Variants in SAFB observed in about 807,000 individuals in gnomAD.
The protein encoded by SAFB is scaffold attachment factor B1.
In SAFB, 15 loss-of-function variants were observed where a neutral mutation model predicts 101.6. The ratio of observed to expected loss-of-function variants is 0.15; its 90% CI spans 0.10 to 0.23. The LOEUF is 0.23. SAFB is among the 10% of genes least tolerant of loss of function. SAFB has a pLI of 1.00. For missense variants in SAFB, 930 were observed against 1,104.1 expected, an observed-to-expected ratio of 0.84 and a Z score of 2.23; for synonymous variants, 449 against 407.5, an observed-to-expected ratio of 1.10 and a Z score of -1.23.
chr19:5,653,143 C>T lies in SAFB; in HGVS notation c.1322C>T (p.Ala441Val). The change falls in exon 10 of 21, where the codon GCC becomes GTC. Residue 441 changes from alanine to valine, a missense_variant. Physicochemically the swap from Ala to Val is moderately conservative, Grantham distance 64. Coordinates refer to ENST00000588852, the MANE Select transcript of SAFB (RefSeq NM_001201338.2). ...GTGGGCGCCAAGGTTGTGACAAATG[C>T]CCGGAGTCCTGGAGCTCGCTGTTAC... The part of the protein sequence containing the change: ...KVVGAKVVTN[A>V]RSPGARCYGF... 4.3e-6 allele frequency: 7 copies of T among 1,613,986 alleles called. No homozygotes were observed. The highest frequency in any genetic ancestry group is 5.9e-6 in the Non-Finnish European group (7 of 1,180,012).
Position 5,667,751 on chromosome 19 carries a change from G to C in SAFB, c.2558-69G>C, listed in dbSNP as rs1325386925. On this transcript the variant is annotated intron_variant, in intron 19 of 20. Coordinates refer to ENST00000588852, the MANE Select transcript of SAFB (RefSeq NM_001201338.2). The surrounding 1 kb of genome is among the most constrained non-coding windows in gnomAD (Gnocchi z 4.0). The stretch of plus-strand genomic sequence containing the variant: ...GGGCCTCACCAAAGGGAGTGGAGTG[G>C]GCTAAATGTGCCGTGGGTTCCACGC... 2 of 1,515,334 alleles carry C rather than the reference G, an allele frequency of 1.3e-6. No homozygotes were observed. The highest frequency in any genetic ancestry group is 1.4e-5 in the African/African-American group (1 of 72,902). 93.9% of individuals were successfully genotyped at this position (1,515,334 alleles called of 1,614,324 possible).
At position 5,623,107 on chromosome 19, in the gene SAFB, T is replaced by A; in HGVS notation, c.-99T>A. 1.6e-6 allele frequency: 2 copies of A among 1,244,962 alleles called. No individual in the cohort carries two copies. Among genetic ancestry groups the A allele is most frequent in the Non-Finnish European group, 2.3e-6 (2 of 888,190 alleles). The allele number at this position is 1,244,962 out of a possible 1,614,324, so 77.1% of individuals were successfully genotyped here. On this transcript the variant is annotated 5_prime_UTR_variant, in exon 1 of 21. Coordinates refer to ENST00000588852, the MANE Select transcript of SAFB (RefSeq NM_001201338.2). ...CAGAAGCGAGGCGCGCTGGGGCGAC[T>A]GGAGCGGTTCCCTCGCAGGCGGCGC...
At chr19:5,648,652 C>A (rs1361338359) in intron 6 of SAFB, among the ~76,000 whole-genome samples, 1 of 152,168 alleles carries the variant, frequency 6.6e-6, no homozygotes. Context: ...AATGGTGATA[C>A]ATTCAGTTAA....
intron 1 of SAFB, among the ~76,000 whole-genome samples, chr19:5,625,690 G>T (rs866903155): frequency 6.6e-6 from 1 of 152,214 alleles, no homozygotes; most frequent in Admixed American, 6.5e-5. Context: ...CTGAGGATGG[G>T]CATAGTTGAA....
At chr19:5,657,180 C>T (rs1455417167) in intron 13 of SAFB, 61 bp from the exon 14 acceptor site, 2 of 1,243,006 alleles carry the variant, frequency 1.6e-6, no homozygotes, top group Non-Finnish European at 1.2e-6. Flanking sequence ...GCTTGGATTA[C>T]AGGCATAAGC....
chr19:5,662,830 TG>T (rs1479887147), intron 15 of SAFB, among the ~76,000 whole-genome samples: 2 of 150,216 alleles, frequency 1.3e-5, no homozygotes, highest in African/African-American at 4.9e-5. Flanking sequence ...TTAGTAGAGA[TG>T]GGGTTTTGCC....
At chr19:5,628,163 A>G (rs539262618) in intron 2 of SAFB, among the ~76,000 whole-genome samples, 277 of 152,202 alleles carry the variant, frequency 1.8e-3, no homozygotes, top group African/African-American at 6.5e-3. Flanking sequence ...AGGCAGGAGA[A>G]TTGCCTGAAC....
In SAFB at chr19:5,667,520, T is replaced by C; in HGVS notation, c.2557+70T>C. On this transcript the variant is annotated intron_variant, in intron 19 of 20. Coordinates refer to ENST00000588852, the MANE Select transcript of SAFB (RefSeq NM_001201338.2). This position sits in a 1 kb window ranked among gnomAD's most constrained non-coding sequence, Gnocchi z 4.0. ...ATGGAAAGATGGAGGCCGCGCCTTC[T>C]CTCCTTGGGGGAGCACAGGAGGTGC... The C allele has an allele frequency of 8.9e-7, 1 of 1,127,690 alleles. No individual in the cohort carries two copies. The highest frequency in any genetic ancestry group is 1.4e-5 in the South Asian group (1 of 69,370). 69.9% of individuals were successfully genotyped at this position (1,127,690 alleles called of 1,614,324 possible). A position where few individuals can be genotyped will look rare whatever the true frequency, so the allele number is the denominator to read the frequency against.
At chr19:5,657,154 C>A (rs1448621575) in intron 13 of SAFB, 87 bp from the exon 14 acceptor site, 1 of 910,746 alleles carries the variant, frequency 1.1e-6, no homozygotes, top group Non-Finnish European at 1.7e-6. Flanking sequence ...ATCCACCCGC[C>A]CTGAACTTTG....
In SAFB at chr19:5,648,056, GA is replaced by G; in HGVS notation, c.637+18del. 1 of 1,606,772 alleles carries G rather than the reference GA, an allele frequency of 6.2e-7. No individual in the cohort carries two copies. The highest frequency in any genetic ancestry group is 8.5e-7 in the Non-Finnish European group (1 of 1,176,598). ...TCCCTGGAGCCAGGTACTGTTAAAT[GA>G]AAAACTTACCAGCGGGGGTTTGGAA... On this transcript the variant is annotated intron_variant, in intron 6 of 20. Transcript: ENST00000588852.
intron 5 of SAFB, among the ~76,000 whole-genome samples, chr19:5,647,102 A>G (rs1242616406): frequency 6.6e-6 from 1 of 152,222 alleles, no homozygotes; most frequent in Non-Finnish European, 1.5e-5. Flanking sequence ...AGAGGAGTGT[A>G]CCTTGTGTGC....
At chr19:5,643,577 T>G (rs1052072843) in intron 4 of SAFB, among the ~76,000 whole-genome samples, 13 of 152,180 alleles carry the variant, frequency 8.5e-5, no homozygotes, top group African/African-American at 2.9e-4. Flanking sequence ...TACTTACCCT[T>G]CCTGAATGGC....
At chr19:5,634,813 A>G (rs369904079) in intron 2 of SAFB, among the ~76,000 whole-genome samples, 12 of 152,138 alleles carry the variant, frequency 7.9e-5, no homozygotes, top group African/African-American at 1.9e-4. Context: ...TTGAAATGAC[A>G]TAAGATTTTT....
chr19:5,642,028 GAAGT>G (rs1435568646), intron 4 of SAFB, 82 bp downstream of exon 4: 2 of 1,136,662 alleles, frequency 1.8e-6, no homozygotes, highest in Non-Finnish European at 2.6e-6. Flanking sequence ...TTCATATTGG[GAAGT>G]AAGTTGTTCT....
chr19:5,623,161 G>T lies in SAFB; in HGVS notation c.-45G>T, dbSNP rs1172588222. The T allele has an allele frequency of 6.5e-6, 10 of 1,539,148 alleles. No homozygotes were observed. The highest frequency in any genetic ancestry group is 7.9e-6 in the Non-Finnish European group (9 of 1,139,038). On this transcript the variant is annotated 5_prime_UTR_variant, in exon 1 of 21. Coordinates refer to ENST00000588852, the MANE Select transcript of SAFB (RefSeq NM_001201338.2). ...TTTGTGCTAGGAGCCTGATAAAACCGGCCCGGTTCTGTGGAAAGTGGGCGG... is the reference window on the plus strand; with the variant it reads ...TTTGTGCTAGGAGCCTGATAAAACCTGCCCGGTTCTGTGGAAAGTGGGCGG...
rs193045388 is a variant in SAFB at position 5,647,770 on chromosome 19, G to A, written c.610-246G>A. Among the ~76,000 whole-genome samples, 50 of 152,294 alleles carry A rather than the reference G, an allele frequency of 3.3e-4. No homozygotes were observed. In the East Asian group the frequency reaches 9.1e-3, roughly 28 times the overall value. On this transcript the variant is annotated intron_variant, in intron 5 of 20. Transcript: ENST00000588852. ...AGGGTCAGGCGTGCTTATGATGAGT[G>A]CCTCACCATGAAGTGAGACCAGTTC...
Position 5,633,506 on chromosome 19 carries a change from G to A in SAFB, c.274+7017G>A, listed in dbSNP as rs993375087. Among the ~76,000 whole-genome samples the A allele has an allele frequency of 3.3e-5, 5 of 152,250 alleles. No homozygotes were observed. In the East Asian group the frequency reaches 5.8e-4, roughly 18 times the overall value. On this transcript the variant is annotated intron_variant, in intron 2 of 20. Coordinates refer to ENST00000588852, the MANE Select transcript of SAFB (RefSeq NM_001201338.2). ...TAGAAACCAGGGTCTGCAGCCAGGC[G>A]CGGTGGCTCACGCCTGTAATCCCAG...
At position 5,657,270 on chromosome 19, in the gene SAFB, C is replaced by G; in HGVS notation, c.1785C>G (p.Ala595=). The change falls in exon 14 of 21, where the codon GCC becomes GCG. Residue 595 remains alanine, a synonymous_variant. Transcript: ENST00000588852. ...CCAAAAGCCAGGATCGCAAATCAGCCAGCAGAGAGAAGCGGTCCGTCGTGT... is the reference window on the plus strand; with the variant it reads ...CCAAAAGCCAGGATCGCAAATCAGCGAGCAGAGAGAAGCGGTCCGTCGTGT... The part of the protein sequence containing the change: ...RASKSQDRKS[A]SREKRSVVSF... 1 of 1,614,066 alleles carries G rather than the reference C, an allele frequency of 6.2e-7. No individual in the cohort carries two copies. The highest frequency in any genetic ancestry group is 2.2e-5 in the East Asian group (1 of 44,880).
At position 5,648,770 on chromosome 19, in the gene SAFB, T is replaced by C. The variant is rs550337826; in HGVS notation, c.638-219T>C. ...GGTTTTGGGGGTTAAATCTCTGGGATGCTTTTCTCTTCCGTGTAGCGTAGA... is the reference window on the plus strand; with the variant it reads ...GGTTTTGGGGGTTAAATCTCTGGGACGCTTTTCTCTTCCGTGTAGCGTAGA... On this transcript the variant is annotated intron_variant, in intron 6 of 20. Transcript: ENST00000588852. 2.7e-3 allele frequency: 1,942 copies of C among 729,262 alleles called. 10 individuals are homozygous for C. Among genetic ancestry groups the C allele is most frequent in the Non-Finnish European group, 3.8e-3 (1,562 of 406,446 alleles). 45.2% of individuals were successfully genotyped at this position (729,262 alleles called of 1,614,324 possible).
Sources: allele counts gnomAD v4.1 joint callset (sites outside exome capture counted in the v4.1 genomes callset), GRCh38; gene constraint gnomAD v4.1.1; non-coding constraint Gnocchi (gnomAD v3.1); transcripts MANE v1.5; gene names NCBI Gene and HGNC (gene_info 2026-07-23, HGNC 2026-07-21).